The following RAI1 variants were observed in gnomAD, a reference collection of about 807,000 sequenced individuals.
The protein encoded by RAI1 is retinoic acid induced 1, also known as retinoic acid-induced protein 1.
RAI1 carries 9 observed loss-of-function variants against 123.8 expected under a neutral mutation model. That is an observed-to-expected ratio of 0.07 (90% CI 0.04 to 0.13). The LOEUF (loss-of-function observed/expected upper bound fraction) is 0.13. RAI1 is among the 10% of genes least tolerant of loss of function. The pLI is 1.00. For missense variants in RAI1, 2,256 were observed against 2,545.8 expected, an observed-to-expected ratio of 0.89 and a Z score of 2.45; for synonymous variants, 1,231 against 1,127.3, an observed-to-expected ratio of 1.09 and a Z score of -1.84.
At chr17:17,720,928 G>T (rs957848432) in intron 1 of RAI1, among the ~76,000 whole-genome samples, 6 of 152,158 alleles carry the variant, frequency 3.9e-5, no homozygotes, top group African/African-American at 1.4e-4. Context: ...CAGGGAGCCA[G>T]GGAACAAGAG....
At chr17:17,690,474 A>G (rs894342101) in intron 1 of RAI1, among the ~76,000 whole-genome samples, 1 of 152,014 alleles carries the variant, frequency 6.6e-6, no homozygotes, top group African/African-American at 2.4e-5. Flanking sequence ...AGCCGGAGGC[A>G]GCAGGACTGC....
chr17:17,736,310 T>C, intron 2 of RAI1, among the ~76,000 whole-genome samples: 1 of 152,088 alleles, frequency 6.6e-6, no homozygotes, highest in East Asian at 1.9e-4. Flanking sequence ...CCTGGGAGGC[T>C]CTCAGTCATC....
In RAI1 at chr17:17,803,837, G is replaced by A; in HGVS notation, c.5647G>A (p.Ala1883Thr). ...GCLHTYHYPC[A>T]SDAGCIFIEE... ...CCTCCACACCTACCACTACCCGTGT[G>A]CCAGCGATGCAGGTACGAGCCCGCC... The change falls in exon 4 of 6, where the codon GCC becomes ACC. Residue 1883 changes from alanine to threonine, a missense_variant. Ala to Thr is a moderately conservative substitution (Grantham distance 58). Transcript: ENST00000353383. 6.2e-7 allele frequency: 1 copy of A among 1,613,362 alleles called. No homozygotes were observed. The highest frequency in any genetic ancestry group is 8.5e-7 in the Non-Finnish European group (1 of 1,179,926).
chr17:17,689,221 G>C (rs988125732), intron 1 of RAI1, among the ~76,000 whole-genome samples: 7 of 152,160 alleles, frequency 4.6e-5, no homozygotes, highest in Admixed American at 6.5e-5. Context: ...GCCTCCCAAA[G>C]TGCAGGGATT....
chr17:17,713,034 G>C (rs1434524598), intron 1 of RAI1, among the ~76,000 whole-genome samples: 3 of 151,906 alleles, frequency 2.0e-5, no homozygotes, highest in African/African-American at 7.3e-5. Flanking sequence ...TTCTTTTTGG[G>C]AGGGGGATGA....
intron 1 of RAI1, among the ~76,000 whole-genome samples, chr17:17,723,082 A>G (rs1915939758): frequency 1.3e-5 from 2 of 152,132 alleles, no homozygotes; most frequent in African/African-American, 4.8e-5. Context: ...CTACATGCGC[A>G]GCCCCACGGC....
intron 2 of RAI1, among the ~76,000 whole-genome samples, chr17:17,746,886 C>T (rs575898738): frequency 2.6e-5 from 4 of 152,210 alleles, no homozygotes; most frequent in East Asian, 3.9e-4. Context: ...CCGCCTGCCT[C>T]GGCCTCCCAA....
At position 17,801,140 on chromosome 17, in the gene RAI1, G is replaced by A. The variant is rs2032448249; in HGVS notation, c.5566-2616G>A. Among the ~76,000 whole-genome samples, 1 of 152,160 alleles carries A rather than the reference G, an allele frequency of 6.6e-6. No homozygotes were observed. The highest frequency in any genetic ancestry group is 1.5e-5 in the Non-Finnish European group (1 of 68,020). Reference sequence around the variant, plus strand: ...TTTTTTCCTCGATGGCCTTTTCTGGGAACTGCCCTCGCCTGCTATCTCTGA... The same window carrying A: ...TTTTTTCCTCGATGGCCTTTTCTGGAAACTGCCCTCGCCTGCTATCTCTGA... On this transcript the variant is annotated intron_variant, in intron 3 of 5. Coordinates refer to ENST00000353383, the MANE Select transcript of RAI1 (RefSeq NM_030665.4). The surrounding 1 kb of genome is among the most constrained non-coding windows in gnomAD (Gnocchi z 4.1).
intron 2 of RAI1, among the ~76,000 whole-genome samples, chr17:17,752,498 G>C (rs1208024822): frequency 2.0e-5 from 3 of 152,222 alleles, no homozygotes; most frequent in Non-Finnish European, 4.4e-5. Context: ...CCGGGAGCCT[G>C]GGATAGGGGT....
chr17:17,792,861 C>T lies in RAI1; in HGVS notation c.-16-72C>T, dbSNP rs139523426. ...GAAGTGGCCCGTCTGAATCGCTCAT[C>T]CTCTGCCCCCTCCCTGCCCATCCTC... On this transcript the variant is annotated intron_variant, in intron 2 of 5. Transcript: ENST00000353383. 1,665 of 1,171,060 alleles carry T rather than the reference C, an allele frequency of 1.4e-3. 20 individuals carry two copies. In the African/African-American group the frequency reaches 0.024, roughly 17 times the overall value. 72.5% of individuals were successfully genotyped at this position (1,171,060 alleles called of 1,614,324 possible).
intron 1 of RAI1, among the ~76,000 whole-genome samples, chr17:17,721,904 A>T (rs1915894342): frequency 6.6e-6 from 1 of 152,110 alleles, no homozygotes; most frequent in South Asian, 2.1e-4. Flanking sequence ...GCCAGAAAAA[A>T]GGTGCCCGAG....
intron 2 of RAI1, among the ~76,000 whole-genome samples, chr17:17,790,790 G>A (rs547775387): frequency 1.2e-4 from 19 of 152,272 alleles, no homozygotes; most frequent in South Asian, 4.1e-4. Flanking sequence ...ATAAACATGC[G>A]CCTGGGGAGG....
chr17:17,734,176 A>C (rs1158352826), intron 2 of RAI1, among the ~76,000 whole-genome samples: 1 of 152,146 alleles, frequency 6.6e-6, no homozygotes, highest in Admixed American at 6.5e-5. Context: ...AAAGGGGTCC[A>C]CATAGAAGGC....
chr17:17,773,517 T>C (rs941092488), intron 2 of RAI1, among the ~76,000 whole-genome samples: 1 of 152,136 alleles, frequency 6.6e-6, no homozygotes, highest in African/African-American at 2.4e-5. Context: ...ACCAGGAAAT[T>C]CCCTTTGCCT....
intron 1 of RAI1, among the ~76,000 whole-genome samples, chr17:17,696,046 GA>G (rs1227675918): frequency 6.6e-6 from 1 of 152,180 alleles, no homozygotes; most frequent in Non-Finnish European, 1.5e-5. Context: ...GTTGCCATCG[GA>G]AAGAACTTCC....
At position 17,797,405 on chromosome 17, in the gene RAI1, G is replaced by C; in HGVS notation, c.4457G>C (p.Gly1486Ala). ...TPRDRASGTQ[G>A]ASEDNSGGGG... Reference sequence around the variant, plus strand: ...CGAGACAGGGCCAGTGGCACACAAGGGGCCAGTGAGGACAACTCTGGTGGA... The same window carrying C: ...CGAGACAGGGCCAGTGGCACACAAGCGGCCAGTGAGGACAACTCTGGTGGA... The change falls in exon 3 of 6, where the codon GGG (glycine) becomes GCG (alanine). Residue 1486 changes from glycine (G) to alanine (A), a missense_variant. Around this residue, in one of 7 missense-constraint regions of RAI1, gnomAD observed 410 missense variants for 374.6 expected, o/e 1.09. Transcript: ENST00000353383. 6.2e-7 allele frequency: 1 copy of C among 1,613,040 alleles called. No individual in the cohort carries two copies.
At chr17:17,718,152 C>T (rs896239887) in intron 1 of RAI1, among the ~76,000 whole-genome samples, 3 of 152,030 alleles carry the variant, frequency 2.0e-5, no homozygotes, top group African/African-American at 7.2e-5. Context: ...TTCCCCTGGT[C>T]GGGAGGTGGC....
chr17:17,752,171 A>C (rs1242873286), intron 2 of RAI1, among the ~76,000 whole-genome samples: 1 of 151,968 alleles, frequency 6.6e-6, no homozygotes, highest in African/African-American at 2.4e-5. Flanking sequence ...CCCGCCCGGC[A>C]TACCCACGGG....
At chr17:17,701,707 A>C (rs1413105032) in intron 1 of RAI1, among the ~76,000 whole-genome samples, 1 of 151,620 alleles carries the variant, frequency 6.6e-6, no homozygotes, top group African/African-American at 2.4e-5. Flanking sequence ...CAACCCTCCC[A>C]CCTCAGCCTC....
Sources: gnomAD v4.1 joint callset for allele counts (sites outside exome capture counted in the v4.1 genomes callset) on GRCh38, gnomAD v4.1.1 for gene constraint, gnomAD v4.1.1 regional missense constraint, Gnocchi (gnomAD v3.1) non-coding constraint, MANE v1.5 for transcripts, NCBI Gene and HGNC (gene_info 2026-07-23, HGNC 2026-07-21) for gene names.